The following XRCC4 variants were observed in gnomAD, a reference collection of about 807,000 sequenced individuals.
XRCC4 encodes X-ray repair cross complementing 4.
XRCC4 carries 28 observed loss-of-function variants against 39.1 expected under a neutral mutation model. The observed-to-expected ratio is 0.72, with a 90% CI of 0.53 to 0.98. The LOEUF is 0.98. XRCC4 is among the 50% of genes least tolerant of loss of function. The probability of loss-of-function intolerance (pLI) is 0.00; values close to 1 mark genes in which losing one functional copy is unlikely to be tolerated. For missense variants in XRCC4, 350 were observed against 376.4 expected, an observed-to-expected ratio of 0.93 and a Z score of 0.58; for synonymous variants, 123 against 126.4, an observed-to-expected ratio of 0.97 and a Z score of 0.18.
At chr5:83,275,142 G>C (rs1207786407) in intron 7 of XRCC4, among the ~76,000 whole-genome samples, 8 of 152,134 alleles carry the variant, frequency 5.3e-5, no homozygotes, top group African/African-American at 1.9e-4. Context: ...TAGTAGGTTT[G>C]ATTTAGAATA....
intron 7 of XRCC4, among the ~76,000 whole-genome samples, chr5:83,294,107 A>AAAG (rs1445838287): frequency 1.3e-5 from 2 of 152,058 alleles, no homozygotes; most frequent in Admixed American, 6.6e-5. Flanking sequence ...TCTGAGTACT[A>AAAG]AAGAACAAAA....
chr5:83,168,746 T>C (rs997303368), intron 3 of XRCC4, among the ~76,000 whole-genome samples: 109 of 152,240 alleles, frequency 7.2e-4, no homozygotes, highest in Non-Finnish European at 7.4e-5. Flanking sequence ...AGAAAATTAA[T>C]GGGCCAAAGA....
At chr5:83,349,623 A>T (rs1366127248) in intron 7 of XRCC4, among the ~76,000 whole-genome samples, 2 of 152,208 alleles carry the variant, frequency 1.3e-5, no homozygotes, top group African/African-American at 4.8e-5. Context: ...TTTATCCTTC[A>T]GTCTGGTCAC....
In XRCC4 at chr5:83,264,130, C is replaced by T. The variant is rs1295483656; in HGVS notation, c.893+5453C>T. ...TTCCTGAACCTACAAAAGCTCAATT[C>T]TTTATTTTGTTATGCCGGATGCTTA... On this transcript the variant is annotated intron_variant, in intron 7 of 7. Transcript: ENST00000396027. Among the ~76,000 whole-genome samples the T allele has an allele frequency of 1.5e-4, 23 of 152,150 alleles. 1 individual carries two copies. Among genetic ancestry groups the T allele is most frequent in the Admixed American group, 1.5e-3 (23 of 15,262 alleles).
intron 3 of XRCC4, among the ~76,000 whole-genome samples, chr5:83,125,397 A>G (rs1367278229): frequency 1.3e-5 from 2 of 152,126 alleles, no homozygotes; most frequent in Non-Finnish European, 2.9e-5. Flanking sequence ...GTTTCTTTTA[A>G]AGGTTTTGTA....
chr5:83,116,836 G>T (rs532899021), intron 3 of XRCC4, among the ~76,000 whole-genome samples: 2 of 151,946 alleles, frequency 1.3e-5, no homozygotes, highest in Non-Finnish European at 2.9e-5. Context: ...GGGCCAGGCT[G>T]GTCTCGAACT....
At chr5:83,141,816 C>A (rs1405169417) in intron 3 of XRCC4, among the ~76,000 whole-genome samples, 4 of 148,958 alleles carry the variant, frequency 2.7e-5, no homozygotes, top group Non-Finnish European at 4.4e-5. Context: ...ACAGGTAGGT[C>A]AGGTCTCAGA....
intron 7 of XRCC4, among the ~76,000 whole-genome samples, chr5:83,279,648 G>T (rs1327664035): frequency 2.0e-5 from 3 of 152,148 alleles, no homozygotes; most frequent in African/African-American, 2.4e-5. Context: ...ATAATTAAAA[G>T]ATTTAAATTT....
intron 6 of XRCC4, among the ~76,000 whole-genome samples, chr5:83,253,558 G>A (rs945876911): frequency 4.0e-5 from 6 of 151,896 alleles, no homozygotes; most frequent in African/African-American, 1.2e-4. Flanking sequence ...TCTGTATGGC[G>A]GGGCAAGGGG....
chr5:83,093,059 C>CT (rs1327576740), intron 1 of XRCC4, among the ~76,000 whole-genome samples: 1 of 151,336 alleles, frequency 6.6e-6, no homozygotes, highest in African/African-American at 2.4e-5. Flanking sequence ...TAACTACATG[C>CT]TACCTACAAG....
intron 1 of XRCC4, among the ~76,000 whole-genome samples, chr5:83,086,461 T>A (rs1419807500): frequency 1.3e-5 from 2 of 152,116 alleles, no homozygotes; most frequent in East Asian, 3.8e-4. Flanking sequence ...ATTAAGAAAA[T>A]CATAATGAAA....
chr5:83,096,365 A>G (rs1004272846), intron 1 of XRCC4, among the ~76,000 whole-genome samples: 2 of 152,164 alleles, frequency 1.3e-5, no homozygotes, highest in African/African-American at 4.8e-5. Context: ...TCCACTGCCA[A>G]GACTGATGTT....
chr5:83,202,711 G>T (rs1364962971), intron 4 of XRCC4, among the ~76,000 whole-genome samples: 2 of 151,940 alleles, frequency 1.3e-5, no homozygotes, highest in African/African-American at 4.8e-5. Context: ...ACATTGAAAA[G>T]AATACATAAA....
chr5:83,187,853 T>G (rs1351913000), intron 3 of XRCC4, among the ~76,000 whole-genome samples: 1 of 152,186 alleles, frequency 6.6e-6, no homozygotes, highest in Non-Finnish European at 1.5e-5. Context: ...TACTTTTTAA[T>G]TTAATTAAAT....
intron 7 of XRCC4, among the ~76,000 whole-genome samples, chr5:83,306,182 A>G (rs1038979590): frequency 1.3e-5 from 2 of 152,200 alleles, no homozygotes; most frequent in Admixed American, 6.5e-5. Flanking sequence ...TATGATACCT[A>G]TGTGGACTGA....
At chr5:83,133,272 G>T (rs1747697362) in intron 3 of XRCC4, among the ~76,000 whole-genome samples, 1 of 152,104 alleles carries the variant, frequency 6.6e-6, no homozygotes, top group Non-Finnish European at 1.5e-5. Flanking sequence ...AGGGGCACCT[G>T]GCCATCTGAG....
chr5:83,328,236 C>T (rs991920934), intron 7 of XRCC4, among the ~76,000 whole-genome samples: 1 of 151,906 alleles, frequency 6.6e-6, no homozygotes, highest in African/African-American at 2.4e-5. Context: ...CCCCATGATT[C>T]AATTACCTCT....
chr5:83,108,821 A>G (rs183824862), intron 2 of XRCC4, among the ~76,000 whole-genome samples: 1,791 of 150,614 alleles, frequency 0.012, 33 homozygotes, highest in African/African-American at 0.041. Context: ...AAAATATGAA[A>G]TTATTCCTTA....
intron 3 of XRCC4, among the ~76,000 whole-genome samples, chr5:83,162,799 C>A (rs1238350113): frequency 2.6e-5 from 4 of 152,144 alleles, no homozygotes; most frequent in African/African-American, 9.7e-5. Context: ...CCCTAGTGGT[C>A]ACCATGTCAG....
Sources: allele counts gnomAD v4.1 joint callset (sites outside exome capture counted in the v4.1 genomes callset), GRCh38; gene constraint gnomAD v4.1.1; transcripts MANE v1.5; gene names NCBI Gene and HGNC (gene_info 2026-07-23, HGNC 2026-07-21).